The following MACROD2 variants were observed in gnomAD, a reference collection of about 807,000 sequenced individuals.
The protein encoded by MACROD2 is ADP-ribose glycohydrolase MACROD2.
Under a neutral mutation model 70.4 loss-of-function variants are expected in MACROD2, and 36 were observed. The ratio of observed to expected loss-of-function variants is 0.51; its 90% CI spans 0.39 to 0.68. MACROD2 has a LOEUF of 0.68. Ranked by LOEUF, MACROD2 falls within the 30% of genes least tolerant of loss-of-function variation. The pLI is 0.00. For synonymous variants in MACROD2, 172 were observed against 178.8 expected, an observed-to-expected ratio of 0.96 and a Z score of 0.30; for missense variants, 496 against 538.4, an observed-to-expected ratio of 0.92 and a Z score of 0.78.
intron 8 of MACROD2, among the ~76,000 whole-genome samples, chr20:15,670,454 T>A (rs1326681403): frequency 6.6e-6 from 1 of 152,216 alleles, no homozygotes; most frequent in East Asian, 1.9e-4. Context: ...CTTTAGGAAT[T>A]AAAGTCATCT....
At chr20:14,511,577 G>A (rs1300568184) in intron 4 of MACROD2, among the ~76,000 whole-genome samples, 1 of 146,624 alleles carries the variant, frequency 6.8e-6, no homozygotes, top group Non-Finnish European at 1.5e-5. Context: ...CTTTTCCATA[G>A]TGAATAAATT....
At chr20:15,353,580 G>A (rs571665293) in intron 6 of MACROD2, among the ~76,000 whole-genome samples, 271 of 151,780 alleles carry the variant, frequency 1.8e-3, no homozygotes, top group Non-Finnish European at 3.3e-3. Context: ...TACAAAATGG[G>A]AGAAAATTTT....
At chr20:15,194,303 A>G (rs2076591500) in intron 5 of MACROD2, among the ~76,000 whole-genome samples, 1 of 151,062 alleles carries the variant, frequency 6.6e-6, no homozygotes, top group South Asian at 2.1e-4. Context: ...GTAAAGCTAG[A>G]TAATAAAGGG....
intron 3 of MACROD2, among the ~76,000 whole-genome samples, chr20:14,262,364 T>G (rs640485): frequency 0.65 from 99,134 of 152,094 alleles, 33,501 homozygotes; most frequent in Non-Finnish European, 0.75. Context: ...GGGTGTCTGA[T>G]TGCATTGTGT....
intron 8 of MACROD2, among the ~76,000 whole-genome samples, chr20:15,702,627 A>T (rs943927999): frequency 7.9e-5 from 12 of 151,854 alleles, no homozygotes; most frequent in Admixed American, 2.6e-4. Flanking sequence ...TTATCTGTTT[A>T]CTCTGTTGAT....
At chr20:15,513,113 C>T (rs143023640) in intron 8 of MACROD2, among the ~76,000 whole-genome samples, 1 of 152,312 alleles carries the variant, frequency 6.6e-6, no homozygotes, top group East Asian at 1.9e-4. Context: ...TGCACTAACT[C>T]ATCAAACGTT....
At chr20:15,540,951 A>G (rs978264144) in intron 8 of MACROD2, among the ~76,000 whole-genome samples, 1 of 152,180 alleles carries the variant, frequency 6.6e-6, no homozygotes, top group African/African-American at 2.4e-5. Context: ...TTACTGTATC[A>G]TGACTTCATC....
intron 3 of MACROD2, among the ~76,000 whole-genome samples, chr20:14,347,783 C>G (rs574445908): frequency 6.8e-4 from 104 of 152,284 alleles, no homozygotes; most frequent in African/African-American, 2.3e-3. Flanking sequence ...AGAACTAAGC[C>G]TTGGCTATTA....
At chr20:14,318,976 C>G (rs1381770709) in intron 3 of MACROD2, among the ~76,000 whole-genome samples, 1 of 152,036 alleles carries the variant, frequency 6.6e-6, no homozygotes, top group African/African-American at 2.4e-5. Flanking sequence ...TAGAAACTAC[C>G]AACATTTGAT....
At chr20:15,620,492 C>T (rs2049109832) in intron 8 of MACROD2, among the ~76,000 whole-genome samples, 1 of 152,130 alleles carries the variant, frequency 6.6e-6, no homozygotes, top group African/African-American at 2.4e-5. Context: ...GTAATGGCTC[C>T]TACCTCAGGC....
intron 5 of MACROD2, among the ~76,000 whole-genome samples, chr20:14,864,162 A>G (rs1404227844): frequency 6.6e-6 from 1 of 152,180 alleles, no homozygotes; most frequent in African/African-American, 2.4e-5. Flanking sequence ...ATAAATACTA[A>G]ATAACATGTC....
chr20:14,568,391 G>A (rs997385515), intron 4 of MACROD2, among the ~76,000 whole-genome samples: 4 of 151,940 alleles, frequency 2.6e-5, no homozygotes, highest in Admixed American at 2.6e-4. Context: ...GAGGGATTTA[G>A]ACAAAGCTTG....
intron 7 of MACROD2, among the ~76,000 whole-genome samples, chr20:15,444,443 C>A (rs1041878379): frequency 2.6e-5 from 4 of 152,138 alleles, no homozygotes; most frequent in Non-Finnish European, 5.9e-5. Context: ...GTCTTCCTTG[C>A]TGTTTCCATT....
At chr20:14,874,408 G>GAA (rs777351273) in intron 5 of MACROD2, among the ~76,000 whole-genome samples, 2 of 99,800 alleles carry the variant, frequency 2.0e-5, no homozygotes, top group Admixed American at 1.1e-4. Context: ...GGTCTGGTAA[G>GAA]AAAAAAAAAA....
chr20:15,691,827 G>C (rs1007942138), intron 8 of MACROD2, among the ~76,000 whole-genome samples: 20 of 152,162 alleles, frequency 1.3e-4, no homozygotes, highest in African/African-American at 4.8e-4. Flanking sequence ...TTTATCCTAT[G>C]TCATTGAGCA....
intron 5 of MACROD2, among the ~76,000 whole-genome samples, chr20:15,012,572 G>A (rs1331311125): frequency 1.3e-5 from 2 of 152,144 alleles, no homozygotes; most frequent in African/African-American, 4.8e-5. Context: ...TTAAAATGTG[G>A]TACAGTTGGT....
chr20:14,871,370 C>T (rs2073486482), intron 5 of MACROD2, among the ~76,000 whole-genome samples: 1 of 152,100 alleles, frequency 6.6e-6, no homozygotes, highest in East Asian at 1.9e-4. Flanking sequence ...CAATATTTAA[C>T]GTTCTTGAAT....
intron 5 of MACROD2, among the ~76,000 whole-genome samples, chr20:14,874,504 A>G (rs912934776): frequency 1.3e-5 from 2 of 151,648 alleles, no homozygotes; most frequent in East Asian, 1.9e-4. Context: ...TCATCATTGA[A>G]CATTTTATTT....
intron 8 of MACROD2, among the ~76,000 whole-genome samples, chr20:15,660,155 A>G (rs907755266): frequency 2.0e-5 from 3 of 152,142 alleles, no homozygotes; most frequent in African/African-American, 7.2e-5. Context: ...TAATGGGAGG[A>G]GAGAACAAAA....
Sources: gnomAD v4.1 joint callset for allele counts (sites outside exome capture counted in the v4.1 genomes callset) on GRCh38, gnomAD v4.1.1 for gene constraint, MANE v1.5 for transcripts, NCBI Gene and HGNC (gene_info 2026-07-23, HGNC 2026-07-21) for gene names.